The following HNRNPL variants were observed in gnomAD, a reference collection of about 807,000 sequenced individuals.
HNRNPL encodes the protein heterogeneous nuclear ribonucleoprotein L, also known as epididymis secretory sperm binding protein.
In HNRNPL, 12 loss-of-function variants were observed where a neutral mutation model predicts 64.0. That is an observed-to-expected ratio of 0.19 (90% CI 0.12 to 0.30). The LOEUF (loss-of-function observed/expected upper bound fraction) is 0.30, where lower values mean the gene tolerates loss of function less well. HNRNPL is among the 10% of genes least tolerant of loss of function. HNRNPL has a pLI of 1.00. For synonymous variants in HNRNPL, 385 were observed against 313.0 expected, an observed-to-expected ratio of 1.23 and a Z score of -2.43; for missense variants, 484 against 797.4, an observed-to-expected ratio of 0.61 and a Z score of 4.73.
intron 8 of HNRNPL, 148 bp from the exon 9 acceptor site, chr19:38,839,163 C>T (rs2145410366): frequency 2.1e-6 from 2 of 943,372 alleles, no homozygotes; most frequent in Non-Finnish European, 1.6e-6. Flanking sequence ...GCCTGGCCCA[C>T]ACCAAGTGCT....
chr19:38,840,424 G>A (rs372108768), intron 7 of HNRNPL, 48 bp from the exon 8 acceptor site: 391 of 1,553,460 alleles, frequency 2.5e-4, no homozygotes, highest in Middle Eastern at 1.1e-3. Flanking sequence ...GAATTTGCAC[G>A]GCGGGCGGCG....
intron 12 of HNRNPL, 109 bp downstream of exon 12, chr19:38,837,275 G>A: frequency 2.4e-6 from 2 of 819,604 alleles, no homozygotes; most frequent in Non-Finnish European, 4.2e-6. Flanking sequence ...CACCAACAGT[G>A]CGAAGATCCC....
intron 1 of HNRNPL, among the ~76,000 whole-genome samples, chr19:38,849,156 C>T (rs1288093123): frequency 6.6e-6 from 1 of 152,256 alleles, no homozygotes; most frequent in African/African-American, 2.4e-5. Context: ...AAGTCCTCTT[C>T]CCATTTTCAA....
rs760923528 is a variant in HNRNPL at position 38,845,721 on chromosome 19, A to G, written c.639T>C (p.Thr213=). ...IYSITTDVLY[T]ICNPCGPVQR... is the part of the protein sequence containing the mutation. ...GGACAGGGCCACAAGGATTACAGATAGTGTAAAGAACATCCTGCAAAAGCA... is the reference window on the plus strand; with the variant it reads ...GGACAGGGCCACAAGGATTACAGATGGTGTAAAGAACATCCTGCAAAAGCA... The change falls in exon 4 of 13, where the codon ACT becomes ACC. Residue 213 remains threonine (T), a synonymous_variant. Transcript: ENST00000221419. The G allele has an allele frequency of 3.1e-6, 5 of 1,613,948 alleles. No individual in the cohort carries two copies. The South Asian group carries it at 4.4e-5, about 14-fold the overall frequency.
At chr19:38,850,715 T>TCC (rs1194017694), upstream of HNRNPL, among the ~76,000 whole-genome samples, 1 of 152,210 alleles carries the variant, frequency 6.6e-6, no homozygotes, top group Admixed American at 6.5e-5. Flanking sequence ...TCCCAGGGTA[T>TCC]CTCTGTCGCC....
chr19:38,848,543 C>T, intron 1 of HNRNPL, among the ~76,000 whole-genome samples: 1 of 152,162 alleles, frequency 6.6e-6, no homozygotes, highest in East Asian at 1.9e-4. Flanking sequence ...GGCTCTGGGG[C>T]CGGCCCCCTG....
intron 6 of HNRNPL, among the ~76,000 whole-genome samples, chr19:38,842,725 ACCTCATCAGCCC>A (rs1972156789): frequency 6.7e-6 from 1 of 150,082 alleles, no homozygotes; most frequent in Non-Finnish European, 1.5e-5. Flanking sequence ...ACTCCAGGTC[ACCTCATCAGCCC>A]TCGTTTTTTT....
At position 38,838,917 on chromosome 19, in the gene HNRNPL, C is replaced by G; in HGVS notation, c.1332G>C (p.Met444Ile). Reference sequence around the variant, plus strand: ...ACCAGACATTCAGCTTCTGCCCAAACATGAAGTTGTTGTTGAGGTGGGTAA... The same window carrying G: ...ACCAGACATTCAGCTTCTGCCCAAAGATGAAGTTGTTGTTGAGGTGGGTAA... ...RAITHLNNNF[M>I]FGQKLNVCVS... The change falls in exon 9 of 13, where the codon ATG (methionine) becomes ATC (isoleucine). Residue 444 changes from methionine to isoleucine, a missense_variant. Physicochemically the swap from Met to Ile is conservative, Grantham distance 10. Transcript: ENST00000221419. 1.2e-6 allele frequency: 2 copies of G among 1,614,192 alleles called. No individual in the cohort carries two copies. Among genetic ancestry groups the G allele is most frequent in the South Asian group, 2.2e-5 (2 of 91,088 alleles).
intron 8 of HNRNPL, 74 bp downstream of exon 8, chr19:38,840,022 C>A (rs375470580): frequency 5.5e-6 from 8 of 1,459,206 alleles, no homozygotes; most frequent in African/African-American, 2.8e-5. Context: ...CAGGCTCCCC[C>A]CTGGTTCTTT....
At chr19:38,841,884 T>C (rs1401320607) in intron 6 of HNRNPL, 4 of 370,970 alleles carry the variant, frequency 1.1e-5, no homozygotes, top group Non-Finnish European at 2.1e-5. Flanking sequence ...CCTCCTCACA[T>C]ATGTGCTGCA....
chr19:38,840,754 C>T, intron 6 of HNRNPL, 195 bp from the exon 7 acceptor site: 1 of 601,994 alleles, frequency 1.7e-6, no homozygotes, highest in Non-Finnish European at 2.9e-6. Context: ...GGTGCCCACT[C>T]TCCTTCCCCT....
chr19:38,845,473 A>G, intron 4 of HNRNPL, 177 bp downstream of exon 4: 1 of 616,744 alleles, frequency 1.6e-6, no homozygotes, highest in Non-Finnish European at 2.9e-6. Context: ...GCACGTCCAC[A>G]CGATATGCCT....
At chr19:38,851,225 C>T (rs915614259), upstream of HNRNPL, 4 of 152,392 alleles carry the variant, frequency 2.6e-5, no homozygotes, top group Admixed American at 1.3e-4. Context: ...GGCCTTTCTT[C>T]CTCAAGGGCG....
At chr19:38,851,977 A>T (rs538799101), upstream of HNRNPL, among the ~76,000 whole-genome samples, 1 of 151,534 alleles carries the variant, frequency 6.6e-6, no homozygotes, top group Admixed American at 6.6e-5. Context: ...GCCGGTCGCG[A>T]CGAAGGGCGG....
intron 6 of HNRNPL, chr19:38,841,359 C>CT (rs1228724822): frequency 5.7e-6 from 2 of 349,394 alleles, no homozygotes; most frequent in African/African-American, 4.3e-5. Flanking sequence ...GATAAGAAGA[C>CT]TGAGTTGTTA....
chr19:38,848,234 G>A (rs1377039145), intron 1 of HNRNPL, among the ~76,000 whole-genome samples: 1 of 152,054 alleles, frequency 6.6e-6, no homozygotes, highest in Non-Finnish European at 1.5e-5. Flanking sequence ...GGAATTACAG[G>A]CCCTCGCCAC....
At position 38,847,399 on chromosome 19, in the gene HNRNPL, G is replaced by A. The variant is rs777144230; in HGVS notation, c.303C>T (p.Ser101=). 6 of 1,553,488 alleles carry A rather than the reference G, an allele frequency of 3.9e-6. No individual in the cohort carries two copies. The African/African-American group carries it at 8.4e-5, about 22-fold the overall frequency. ...NYDDPHKTPA[S]PVVHIRGLID... is the part of the protein sequence containing the mutation. ...TCAGGCCCCTGATGTGGACAACTGG[G>A]GAGGCAGGGGTTTTGTGCGGGTCAT... The change falls in exon 2 of 13, where the codon TCC becomes TCT. Residue 101 remains serine (S), a synonymous_variant. Transcript: ENST00000221419.
chr19:38,845,812 A>T (rs1187137966), intron 3 of HNRNPL, 41 bp downstream of exon 3: 1 of 1,599,548 alleles, frequency 6.3e-7, no homozygotes, highest in East Asian at 2.2e-5. Context: ...AAGGGGAGAA[A>T]AGGAAGGGAG....
chr19:38,847,222 A>T (rs904416419), intron 2 of HNRNPL, 94 bp downstream of exon 2: 1 of 597,678 alleles, frequency 1.7e-6, no homozygotes, highest in African/African-American at 1.9e-5. Context: ...CAGGATGGCA[A>T]CAAAATCACT....
Sources: gnomAD v4.1 joint callset for allele counts (sites outside exome capture counted in the v4.1 genomes callset) on GRCh38, gnomAD v4.1.1 for gene constraint, MANE v1.5 for transcripts, NCBI Gene and HGNC (gene_info 2026-07-23, HGNC 2026-07-21) for gene names.